OSBP2: variants seen among roughly 807,000 people sequenced by gnomAD.
The protein encoded by OSBP2 is oxysterol binding protein 2.
In OSBP2, 66 loss-of-function variants were observed where a neutral mutation model predicts 96.0. The ratio of observed to expected loss-of-function variants is 0.69; its 90% confidence interval spans 0.56 to 0.84. The LOEUF is 0.84. OSBP2 is among the 40% of genes least tolerant of loss of function. The pLI is 0.00. For missense variants in OSBP2, 1,038 were observed against 1,222.7 expected (o/e 0.85, Z 2.25); for synonymous variants, 525 against 520.9 (o/e 1.01, Z -0.11).
At chr22:30,864,119 C>T (rs2039281703) in intron 2 of OSBP2, among the ~76,000 whole-genome samples, 1 of 152,052 alleles carries the variant, frequency 6.6e-6, no homozygotes, top group South Asian at 2.1e-4. Context: ...TACAGGTGCC[C>T]ACCACCATGC....
At chr22:30,817,221 T>C (rs1190023062) in intron 2 of OSBP2, among the ~76,000 whole-genome samples, 2 of 152,250 alleles carry the variant, frequency 1.3e-5, no homozygotes, top group Non-Finnish European at 2.9e-5. Context: ...CTTAGAACAC[T>C]GCTGCTTTAA....
intron 1 of OSBP2, among the ~76,000 whole-genome samples, chr22:30,725,691 C>T (rs1313612119): frequency 2.0e-5 from 3 of 152,116 alleles, no homozygotes; most frequent in Non-Finnish European, 4.4e-5. Flanking sequence ...CAACAAGTAC[C>T]TGACATATGG....
rs149939533 is a variant in OSBP2 at position 30,695,747 on chromosome 22, G to A, written c.644+194G>A. On this transcript the variant is annotated intron_variant, in intron 1 of 13. Transcript: ENST00000332585. ...GCCCTGACCTCTGGCAAGGGTGAAT[G>A]TGATCTGCGGACATGACCTCTGGCA... Among the ~76,000 whole-genome samples the A allele has an allele frequency of 2.4e-4, 37 of 152,350 alleles. 1 individual carries two copies. Among genetic ancestry groups the A allele is most frequent in the South Asian group, 6.2e-4 (3 of 4,832 alleles).
chr22:30,835,931 C>T (rs1449276548), intron 2 of OSBP2, among the ~76,000 whole-genome samples: 2 of 151,930 alleles, frequency 1.3e-5, no homozygotes, highest in South Asian at 4.2e-4. Flanking sequence ...GTTGCCCAGG[C>T]TGGTTTTGAA....
chr22:30,723,559 G>A (rs1409937051), intron 1 of OSBP2, among the ~76,000 whole-genome samples: 5 of 151,800 alleles, frequency 3.3e-5, no homozygotes, highest in East Asian at 1.9e-4. Context: ...GATTACTGGC[G>A]TGTGCCACCA....
At chr22:30,864,954 C>T (rs752436841) in intron 2 of OSBP2, among the ~76,000 whole-genome samples, 14 of 152,332 alleles carry the variant, frequency 9.2e-5, no homozygotes, top group Non-Finnish European at 1.6e-4. Context: ...CCCTAAGCAC[C>T]ACCGGGTCAC....
chr22:30,781,268 C>A (rs2090515763), intron 2 of OSBP2, among the ~76,000 whole-genome samples: 1 of 151,954 alleles, frequency 6.6e-6, no homozygotes, highest in South Asian at 2.1e-4. Flanking sequence ...AGACATGAGC[C>A]ACCACACCCG....
At chr22:30,898,409 T>C (rs753172563) in intron 12 of OSBP2, among the ~76,000 whole-genome samples, 9 of 152,168 alleles carry the variant, frequency 5.9e-5, no homozygotes, top group Non-Finnish European at 1.0e-4. Flanking sequence ...ATCTCCTGTA[T>C]TCCATTTTCA....
intron 1 of OSBP2, among the ~76,000 whole-genome samples, chr22:30,709,601 C>G (rs1429797583): frequency 6.6e-6 from 1 of 151,422 alleles, no homozygotes; most frequent in East Asian, 2.0e-4. Flanking sequence ...CTGCAAACTC[C>G]ACCTCCCAGA....
At chr22:30,765,529 A>G (rs62235898) in intron 2 of OSBP2, among the ~76,000 whole-genome samples, 7,756 of 152,162 alleles carry the variant, frequency 0.051, 295 homozygotes, top group Non-Finnish European at 0.078. Flanking sequence ...TTTATAATAA[A>G]CATTCTACAC....
chr22:30,749,178 C>T (rs2090043220), intron 2 of OSBP2, among the ~76,000 whole-genome samples: 2 of 152,096 alleles, frequency 1.3e-5, no homozygotes, highest in South Asian at 4.1e-4. Context: ...TAACTAGTGG[C>T]AGGCTATTAG....
chr22:30,712,418 G>A (rs1288984946), intron 1 of OSBP2, among the ~76,000 whole-genome samples: 3 of 152,098 alleles, frequency 2.0e-5, no homozygotes, highest in Admixed American at 1.3e-4. Flanking sequence ...GTTGGTTCTG[G>A]GTCCTTTGAA....
At chr22:30,854,961 G>A (rs11912033) in intron 2 of OSBP2, among the ~76,000 whole-genome samples, 1,360 of 107,932 alleles carry the variant, frequency 0.013, 16 homozygotes, top group African/African-American at 0.062. Flanking sequence ...AGAACAGAGC[G>A]AAGTTGGGTG....
intron 1 of OSBP2, among the ~76,000 whole-genome samples, chr22:30,697,786 T>C (rs1201958645): frequency 6.6e-6 from 1 of 152,216 alleles, no homozygotes; most frequent in East Asian, 1.9e-4. Flanking sequence ...TTGCTGACCT[T>C]ACCCAGGTAT....
At chr22:30,748,572 A>G (rs1161727521) in intron 2 of OSBP2, among the ~76,000 whole-genome samples, 1 of 152,168 alleles carries the variant, frequency 6.6e-6, no homozygotes, top group Non-Finnish European at 1.5e-5. Flanking sequence ...CCAGTGTGCC[A>G]TGACACCCTT....
chr22:30,786,868 G>T (rs1463106200), intron 2 of OSBP2, among the ~76,000 whole-genome samples: 1 of 151,962 alleles, frequency 6.6e-6, no homozygotes, highest in Admixed American at 6.6e-5. Context: ...GTGCAATCTC[G>T]GCTCACTGCA....
chr22:30,699,276 G>C (rs1486380596), intron 1 of OSBP2, among the ~76,000 whole-genome samples: 1 of 152,078 alleles, frequency 6.6e-6, no homozygotes, highest in Non-Finnish European at 1.5e-5. Context: ...TTTCAAAAAG[G>C]GTTTCTAATA....
At chr22:30,716,781 G>A (rs941431936) in intron 1 of OSBP2, among the ~76,000 whole-genome samples, 14 of 152,228 alleles carry the variant, frequency 9.2e-5, no homozygotes, top group African/African-American at 3.1e-4. Flanking sequence ...TTGTTGTTGA[G>A]TTGTAGAAGT....
chr22:30,775,240 C>T (rs2090414844), intron 2 of OSBP2, among the ~76,000 whole-genome samples: 1 of 152,054 alleles, frequency 6.6e-6, no homozygotes, highest in Non-Finnish European at 1.5e-5. Flanking sequence ...TCTACTTTCC[C>T]CACTATTATT....
Sources: allele counts gnomAD v4.1 joint callset (sites outside exome capture counted in the v4.1 genomes callset), GRCh38; gene constraint gnomAD v4.1.1; transcripts MANE v1.5; gene names NCBI Gene and HGNC (gene_info 2026-07-23, HGNC 2026-07-21).